The following SYCP1 variants were observed in gnomAD, a reference collection of about 807,000 sequenced individuals.
The protein encoded by SYCP1 is cancer/testis antigen 8.
SYCP1 carries 64 observed loss-of-function variants against 153.1 expected under a neutral mutation model. That is an observed-to-expected ratio of 0.42 (90% CI 0.34 to 0.51). The LOEUF (loss-of-function observed/expected upper bound fraction) is 0.51. SYCP1 is among the 20% of genes least tolerant of loss of function. The pLI is 0.06. For missense variants in SYCP1, 997 were observed against 1,049.0 expected (o/e 0.95, Z 0.68); for synonymous variants, 384 against 341.8 (o/e 1.12, Z -1.36).
chr1:114,907,896 A>C (rs1161794082), intron 16 of SYCP1, among the ~76,000 whole-genome samples: 5 of 152,020 alleles, frequency 3.3e-5, no homozygotes, highest in African/African-American at 4.8e-5. Flanking sequence ...TATATATTAC[A>C]CCTACATGCA....
intron 23 of SYCP1, among the ~76,000 whole-genome samples, chr1:114,936,640 A>G (rs959272652): frequency 2.0e-5 from 3 of 152,206 alleles, no homozygotes; most frequent in Non-Finnish European, 4.4e-5. Flanking sequence ...ACATGATTGT[A>G]TATTTAGAAA....
At chr1:114,956,622 C>T (rs536735366) in intron 27 of SYCP1, among the ~76,000 whole-genome samples, 4 of 152,258 alleles carry the variant, frequency 2.6e-5, no homozygotes, top group African/African-American at 7.2e-5. Flanking sequence ...CTCAGCCACT[C>T]GGACAATCTT....
At chr1:114,912,406 C>A (rs1668239807) in intron 18 of SYCP1, among the ~76,000 whole-genome samples, 4 of 151,876 alleles carry the variant, frequency 2.6e-5, no homozygotes. Context: ...ATAGATGCTC[C>A]TAAAATCACT....
chr1:114,874,666 A>G, intron 9 of SYCP1, 102 bp downstream of exon 9: 1 of 680,154 alleles, frequency 1.5e-6, no homozygotes, highest in Non-Finnish European at 2.4e-6. Flanking sequence ...TAAAAAGATT[A>G]TTATTTATTT....
At chr1:114,882,975 A>G (rs1431820154) in intron 12 of SYCP1, among the ~76,000 whole-genome samples, 3 of 152,192 alleles carry the variant, frequency 2.0e-5, no homozygotes, top group African/African-American at 7.2e-5. Flanking sequence ...GTTTTCATAT[A>G]TCTTAAATTC....
At chr1:114,973,621 C>T (rs1283156614) in intron 27 of SYCP1, among the ~76,000 whole-genome samples, 1 of 151,800 alleles carries the variant, frequency 6.6e-6, no homozygotes, top group African/African-American at 2.4e-5. Context: ...CTAGTATTAC[C>T]GATTATAGCA....
chr1:114,938,678 T>A (rs1219317421), intron 23 of SYCP1, among the ~76,000 whole-genome samples: 1 of 152,142 alleles, frequency 6.6e-6, no homozygotes, highest in Non-Finnish European at 1.5e-5. Flanking sequence ...ACTGGTATTA[T>A]TTTTTCCTCA....
intron 27 of SYCP1, among the ~76,000 whole-genome samples, chr1:114,966,295 C>A (rs1672124247): frequency 6.6e-6 from 1 of 152,062 alleles, no homozygotes; most frequent in Non-Finnish European, 1.5e-5. Context: ...AAAAAACCAG[C>A]TCCTAGATTC....
chr1:114,871,450 G>C (rs1665117064), intron 8 of SYCP1, among the ~76,000 whole-genome samples: 1 of 152,058 alleles, frequency 6.6e-6, no homozygotes, highest in African/African-American at 2.4e-5. Context: ...TTATGGGCTT[G>C]AGCCACCAGG....
chr1:114,869,972 T>C (rs1570665579), intron 8 of SYCP1, among the ~76,000 whole-genome samples: 1 of 152,178 alleles, frequency 6.6e-6, no homozygotes, highest in African/African-American at 2.4e-5. Context: ...TAAAAATTGT[T>C]ATATCTCCTT....
chr1:114,990,081 A>T (rs1288321086), intron 30 of SYCP1, among the ~76,000 whole-genome samples: 3 of 152,002 alleles, frequency 2.0e-5, no homozygotes, highest in African/African-American at 7.2e-5. Flanking sequence ...ATTCCCCAGG[A>T]TAGATCATAT....
Position 114,874,185 on chromosome 1 carries a change from GTC to G in SYCP1, c.599-316_599-315del, listed in dbSNP as rs1431639309. On this transcript the variant is annotated intron_variant, in intron 8 of 31. Transcript: ENST00000369522. ...GTTGTAATTCTCTCTGTGTTTGCCT[GTC>G]TCTCCAATTTTGGGGTAGTAGTTTG... Among the ~76,000 whole-genome samples the G allele has an allele frequency of 2.6e-5, 4 of 152,172 alleles. No individual in the cohort carries two copies. The South Asian group carries it at 6.2e-4, about 24-fold the overall frequency.
chr1:114,947,189 C>T (rs758532210), intron 26 of SYCP1, 57 bp from the exon 27 acceptor site: 127 of 1,281,286 alleles, frequency 9.9e-5, no homozygotes, highest in Non-Finnish European at 1.4e-4. Flanking sequence ...TTTATATTTT[C>T]ATTGTCTTGA....
In SYCP1 at chr1:114,895,436, TG is replaced by T. The variant is rs1666996038; in HGVS notation, c.1259-11del. The T allele has an allele frequency of 2.7e-6, 4 of 1,468,172 alleles. No homozygotes were observed. The highest frequency in any genetic ancestry group is 2.6e-5 in the South Asian group (2 of 76,210). The allele number at this position is 1,468,172 out of a possible 1,614,324, so 90.9% of individuals were successfully genotyped here. A position where few individuals can be genotyped will look rare whatever the true frequency, so the allele number is the denominator to read the frequency against. ...CCAGCTTTTTAACACATTTTTTTTT[TG>T]CTCATTTTAGAAGAGATGACTAAGC... On this transcript the variant is annotated splice_polypyrimidine_tract_variant and intron_variant, in intron 15 of 31. Coordinates refer to ENST00000369522, the MANE Select transcript of SYCP1 (RefSeq NM_003176.4).
At chr1:114,946,936 G>A (rs544073270) in intron 26 of SYCP1, among the ~76,000 whole-genome samples, 65 of 152,146 alleles carry the variant, frequency 4.3e-4, no homozygotes, top group Non-Finnish European at 8.2e-4. Flanking sequence ...AGTAGAGACG[G>A]GGTTTCACCA....
intron 12 of SYCP1, among the ~76,000 whole-genome samples, chr1:114,879,422 G>A (rs373327730): frequency 6.6e-6 from 1 of 151,930 alleles, no homozygotes; most frequent in Non-Finnish European, 1.5e-5. Flanking sequence ...TCTATATTTT[G>A]TGCTCTTTCA....
rs1252316548 is a variant in SYCP1, at chr1:114,886,145, G to A, written c.1026G>A (p.Glu342=). The change falls in exon 14 of 32, where the codon GAG becomes GAA. Residue 342 remains glutamate (E), a synonymous_variant. Coordinates refer to ENST00000369522, the MANE Select transcript of SYCP1 (RefSeq NM_003176.4). ...TTTAGAGTACTCAAAAGGCTTTAGA[G>A]GAAGATTTACAGATAGCAACAAAAA... ...QRSVSTQKAL[E]EDLQIATKTI... 11 of 1,599,930 alleles carry A rather than the reference G, an allele frequency of 6.9e-6. No individual in the cohort carries two copies. The highest frequency in any genetic ancestry group is 9.4e-6 in the Non-Finnish European group (11 of 1,175,124).
chr1:114,881,501 A>ATCCTTCCTTCCTTCCT (rs71093615), intron 12 of SYCP1, among the ~76,000 whole-genome samples: 4,722 of 102,686 alleles, frequency 0.046, 181 homozygotes, highest in Middle Eastern at 0.1. Flanking sequence ...GGAAGGTATT[A>ATCCTTCCTTCCTTCCT]TCCTTCCTTC....
chr1:114,923,775 CTT>C (rs1037389926), intron 21 of SYCP1: 18 of 244,746 alleles, frequency 7.4e-5, no homozygotes, highest in African/African-American at 1.4e-4. Context: ...TTAATGTAGA[CTT>C]AACATTTTTT....
Sources: gnomAD v4.1 joint callset for allele counts (sites outside exome capture counted in the v4.1 genomes callset) on GRCh38, gnomAD v4.1.1 for gene constraint, MANE v1.5 for transcripts, NCBI Gene and HGNC (gene_info 2026-07-23, HGNC 2026-07-21) for gene names.